Variants in DYRK1A observed in about 807,000 individuals in gnomAD.
DYRK1A encodes the protein dual specificity tyrosine phosphorylation regulated kinase 1A, also known as dual specificity tyrosine-phosphorylation-regulated kinase 1A.
DYRK1A carries 9 observed loss-of-function variants against 79.7 expected under a neutral mutation model. The observed-to-expected ratio is 0.11, with a 90% CI of 0.07 to 0.20. The LOEUF (loss-of-function observed/expected upper bound fraction) is 0.20. Among genes scored for constraint, DYRK1A ranks in the 10% least tolerant of loss-of-function variants. DYRK1A has a pLI of 1.00. For missense variants in DYRK1A, 622 were observed against 956.0 expected (o/e 0.65, Z 4.61); for synonymous variants, 349 against 329.7 (o/e 1.06, Z -0.63).
chr21:37,502,200 G>A (rs1431702916), intron 9 of DYRK1A: 1 of 152,008 alleles, frequency 6.6e-6, no homozygotes, highest in Non-Finnish European at 1.5e-5. Flanking sequence ...AATTATTTTT[G>A]TGTTGTGTGC....
At chr21:37,426,809 A>G (rs1433607016) in intron 2 of DYRK1A, among the ~76,000 whole-genome samples, 2 of 149,654 alleles carry the variant, frequency 1.3e-5, no homozygotes, top group South Asian at 2.1e-4. Flanking sequence ...AGTCCCAGCT[A>G]CTTGGGAGGC....
intron 2 of DYRK1A, among the ~76,000 whole-genome samples, chr21:37,461,853 C>T (rs1219993822): frequency 1.5e-5 from 2 of 135,454 alleles, no homozygotes; most frequent in Non-Finnish European, 3.1e-5. Context: ...TTTTGTGTGA[C>T]TTTTTCCTTT....
chr21:37,508,653 C>T (rs2053665542), intron 11 of DYRK1A, among the ~76,000 whole-genome samples: 1 of 148,292 alleles, frequency 6.7e-6, no homozygotes, highest in South Asian at 2.2e-4. Flanking sequence ...GACTTATTAT[C>T]AAGGCGTCGG....
chr21:37,421,330 T>G (rs1360845972), intron 2 of DYRK1A, among the ~76,000 whole-genome samples: 2 of 152,058 alleles, frequency 1.3e-5, no homozygotes, highest in African/African-American at 2.4e-5. Context: ...GCGATCTGGG[T>G]TTTGTCTAGG....
At chr21:37,408,399 C>A (rs1377800959) in intron 1 of DYRK1A, among the ~76,000 whole-genome samples, 1 of 152,190 alleles carries the variant, frequency 6.6e-6, no homozygotes, top group Non-Finnish European at 1.5e-5. Flanking sequence ...AGCCTCTTGG[C>A]TTCAGCAGTA....
intron 1 of DYRK1A, among the ~76,000 whole-genome samples, chr21:37,417,709 C>T (rs146172022): frequency 6.6e-6 from 1 of 151,182 alleles, no homozygotes; most frequent in Non-Finnish European, 1.5e-5. Context: ...CCTGAAGATA[C>T]GCTGTAGATT....
chr21:37,448,777 G>C (rs546886434), intron 2 of DYRK1A, among the ~76,000 whole-genome samples: 1 of 152,282 alleles, frequency 6.6e-6, no homozygotes, highest in South Asian at 2.1e-4. Flanking sequence ...GAGCACTGCA[G>C]CCTCAACCTC....
At chr21:37,451,185 A>G (rs1451985717) in intron 2 of DYRK1A, among the ~76,000 whole-genome samples, 2 of 152,264 alleles carry the variant, frequency 1.3e-5, no homozygotes, top group East Asian at 1.9e-4. Context: ...TTAAAAAAAG[A>G]TTAAAAAGTT....
At chr21:37,479,480 C>A (rs1477982709) in intron 4 of DYRK1A, among the ~76,000 whole-genome samples, 2 of 149,968 alleles carry the variant, frequency 1.3e-5, no homozygotes, top group Non-Finnish European at 3.0e-5. Flanking sequence ...GATGTTATTC[C>A]ATGCAGTGTA....
Position 37,420,391 on chromosome 21 carries a change from CAAGT to C in DYRK1A, c.10+8_10+11del. The C allele has an allele frequency of 1.2e-6, 2 of 1,611,472 alleles. No homozygotes were observed. The highest frequency in any genetic ancestry group is 1.7e-6 in the Non-Finnish European group (2 of 1,178,418). ...AAGAAGACGATGCATACAGGTGACT[CAAGT>C]TTTGAAATACAGTAAAACTCTGGCT... On this transcript the variant is annotated splice_region_variant and intron_variant, in intron 2 of 11. Transcript: ENST00000647188.
rs375157979 is a variant in DYRK1A at position 37,511,964 on chromosome 21, A to C, written c.1698A>C (p.Thr566=). 39 of 1,614,034 alleles carry C rather than the reference A, an allele frequency of 2.4e-5. No homozygotes were observed. Among genetic ancestry groups the C allele is most frequent in the South Asian group, 2.1e-4 (19 of 91,084 alleles). ...GTTGGTCAGGCACTGAAGCTCCTAC[A>C]CAGGTCACTGTTGAAACTCATCCTG... ...PLGWSGTEAP[T]QVTVETHPVQ... Residue 566 remains threonine (T), a synonymous_variant, in exon 12 of 12, where the codon ACA becomes ACC. Transcript: ENST00000647188.
intron 1 of DYRK1A, among the ~76,000 whole-genome samples, chr21:37,376,258 G>C (rs113351823): frequency 6.6e-6 from 1 of 152,052 alleles, no homozygotes; most frequent in African/African-American, 2.4e-5. Flanking sequence ...GCCTGTAATC[G>C]CAGCACTTTG....
At chr21:37,370,980 G>A (rs1173320427) in intron 1 of DYRK1A, among the ~76,000 whole-genome samples, 2 of 152,124 alleles carry the variant, frequency 1.3e-5, no homozygotes, top group African/African-American at 2.4e-5. Context: ...TGACTGTTGG[G>A]CAATTTTCTG....
chr21:37,425,487 G>A (rs1370076548), intron 2 of DYRK1A, among the ~76,000 whole-genome samples: 1 of 152,088 alleles, frequency 6.6e-6, no homozygotes, highest in Non-Finnish European at 1.5e-5. Context: ...TAGAAAAAAT[G>A]ATGGGAAATC....
At chr21:37,468,031 A>G (rs1398671467) in intron 2 of DYRK1A, among the ~76,000 whole-genome samples, 5 of 152,222 alleles carry the variant, frequency 3.3e-5, no homozygotes, top group East Asian at 1.9e-4. Context: ...TGCAATTTCA[A>G]TTTCAACATC....
At chr21:37,366,337 G>C (rs1231568098), upstream of DYRK1A, among the ~76,000 whole-genome samples, 1 of 145,116 alleles carries the variant, frequency 6.9e-6, no homozygotes, top group East Asian at 2.0e-4. Context: ...GCGGAAGCGC[G>C]GGGCGCTAGG....
rs574286511 is a variant in DYRK1A, at chr21:37,369,709, G to GA, written c.-77+2087dup. Among the ~76,000 whole-genome samples, 210 of 152,314 alleles carry GA rather than the reference G, an allele frequency of 1.4e-3. 1 individual carries two copies. Among genetic ancestry groups the GA allele is most frequent in the African/African-American group, 4.9e-3 (204 of 41,582 alleles). The stretch of plus-strand genomic sequence containing the variant: ...CACTCCTTTTTACCTGGTGGGTGTT[G>GA]AAAAAATATTTGAAGGAATAGACCT... On this transcript the variant is annotated intron_variant, in intron 1 of 11. Transcript: ENST00000647188.
chr21:37,476,931 G>T (rs763284571), intron 3 of DYRK1A, among the ~76,000 whole-genome samples: 96 of 150,934 alleles, frequency 6.4e-4, no homozygotes, highest in Non-Finnish European at 1.2e-3. Context: ...TTTAGAGTTT[G>T]AGTATACATG....
intron 5 of DYRK1A, among the ~76,000 whole-genome samples, chr21:37,484,664 C>T (rs1156569840): frequency 6.6e-6 from 1 of 152,090 alleles, no homozygotes; most frequent in Non-Finnish European, 1.5e-5. Flanking sequence ...CTGACATCTA[C>T]CATGCAAATT....
Sources: allele counts gnomAD v4.1 joint callset (sites outside exome capture counted in the v4.1 genomes callset), GRCh38; gene constraint gnomAD v4.1.1; transcripts MANE v1.5; gene names NCBI Gene and HGNC (gene_info 2026-07-23, HGNC 2026-07-21).